The following KSR2 variants were observed in gnomAD, a reference collection of about 807,000 sequenced individuals.
The protein encoded by KSR2 is kinase suppressor of ras 2.
In KSR2, 25 loss-of-function variants were observed where a neutral mutation model predicts 107.8. That is an observed-to-expected ratio of 0.23 (90% CI 0.17 to 0.32). KSR2 has a LOEUF of 0.32. Among genes scored for constraint, KSR2 ranks in the 10% least tolerant of loss-of-function variants. The pLI is 1.00. For missense variants in KSR2, 887 were observed against 1,268.9 expected (o/e 0.70, Z 4.57); for synonymous variants, 480 against 507.0 (o/e 0.95, Z 0.71).
At chr12:117,891,523 A>C (rs1894340716) in intron 1 of KSR2, among the ~76,000 whole-genome samples, 1 of 152,164 alleles carries the variant, frequency 6.6e-6, no homozygotes. Flanking sequence ...GGATTGTTTT[A>C]GCCCAGGAAT....
At chr12:117,481,728 C>T (rs1255826746) in intron 16 of KSR2, among the ~76,000 whole-genome samples, 1 of 152,208 alleles carries the variant, frequency 6.6e-6, no homozygotes, top group African/African-American at 2.4e-5. Context: ...CTGAGAGATA[C>T]TGGCCCTGCT....
chr12:117,710,849 T>C (rs1254614086), intron 4 of KSR2, among the ~76,000 whole-genome samples: 1 of 152,148 alleles, frequency 6.6e-6, no homozygotes, highest in Non-Finnish European at 1.5e-5. Context: ...CCATGTTTCA[T>C]CCATGTCGAC....
At chr12:117,810,817 T>C (rs1665691402) in intron 3 of KSR2, among the ~76,000 whole-genome samples, 1 of 152,178 alleles carries the variant, frequency 6.6e-6, no homozygotes, top group African/African-American at 2.4e-5. Context: ...TTATTTTTGG[T>C]TCCTTTTAGA....
At chr12:117,874,978 C>T (rs1893787532) in intron 1 of KSR2, among the ~76,000 whole-genome samples, 1 of 152,128 alleles carries the variant, frequency 6.6e-6, no homozygotes, top group Non-Finnish European at 1.5e-5. Context: ...TGCGGAAATC[C>T]GACGGAGCTG....
At chr12:117,554,579 G>A (rs1877528662) in intron 9 of KSR2, among the ~76,000 whole-genome samples, 1 of 152,122 alleles carries the variant, frequency 6.6e-6, no homozygotes, top group Non-Finnish European at 1.5e-5. Flanking sequence ...ATTGAATCAT[G>A]GGGGCTGGTC....
chr12:117,529,093 G>T (rs528142241), intron 12 of KSR2, among the ~76,000 whole-genome samples: 1 of 152,220 alleles, frequency 6.6e-6, no homozygotes, highest in Non-Finnish European at 1.5e-5. Context: ...CAGAAAAGAT[G>T]AAGCAGTTAG....
intron 7 of KSR2, among the ~76,000 whole-genome samples, chr12:117,569,304 A>G (rs1460366067): frequency 6.6e-6 from 1 of 152,212 alleles, no homozygotes; most frequent in Non-Finnish European, 1.5e-5. Context: ...CCAAGTGAAA[A>G]GATCCACTAA....
intron 6 of KSR2, among the ~76,000 whole-genome samples, chr12:117,580,549 G>A (rs1879584039): frequency 6.6e-6 from 1 of 152,172 alleles, no homozygotes. Flanking sequence ...TGACTCTGAT[G>A]GCAGCAGATG....
At chr12:117,906,035 C>G (rs1197719038) in intron 1 of KSR2, among the ~76,000 whole-genome samples, 2 of 147,958 alleles carry the variant, frequency 1.4e-5, no homozygotes, top group Non-Finnish European at 3.0e-5. Flanking sequence ...GCAAGAGATA[C>G]AGGGATGAGA....
At chr12:117,709,444 C>T (rs369386238) in intron 4 of KSR2, among the ~76,000 whole-genome samples, 5 of 152,312 alleles carry the variant, frequency 3.3e-5, no homozygotes, top group Non-Finnish European at 7.3e-5. Flanking sequence ...CCATCTCAGT[C>T]TCCAGAGTAG....
At chr12:117,648,966 G>C (rs1050927633) in intron 5 of KSR2, among the ~76,000 whole-genome samples, 1 of 152,164 alleles carries the variant, frequency 6.6e-6, no homozygotes, top group East Asian at 1.9e-4. Flanking sequence ...GAATGTCTAC[G>C]CTGCCTGTCT....
Position 117,530,949 on chromosome 12 carries a change from C to T in KSR2, c.1794G>A (p.Ser598=), listed in dbSNP as rs754624870. 1.5e-5 allele frequency: 25 copies of T among 1,613,556 alleles called. No individual in the cohort carries two copies. The highest frequency in any genetic ancestry group is 2.2e-5 in the East Asian group (1 of 44,884). The part of the protein sequence containing the change: ...APQVILHPVT[S]NPILEGNPLL... ...GTCTCTGTCTCACTTACATTGGATTCGAGGTCACCGGATGCAGGATGACCT... is the reference window on the plus strand; with the variant it reads ...GTCTCTGTCTCACTTACATTGGATTTGAGGTCACCGGATGCAGGATGACCT... Residue 598 remains serine (S), a synonymous_variant, in exon 12 of 20, where the codon TCG becomes TCA. Coordinates refer to ENST00000339824, the MANE Select transcript of KSR2 (RefSeq NM_173598.6).
At chr12:117,848,549 A>C (rs1371089205) in intron 3 of KSR2, among the ~76,000 whole-genome samples, 1 of 152,236 alleles carries the variant, frequency 6.6e-6, no homozygotes, top group African/African-American at 2.4e-5. Flanking sequence ...ATCAAGCCAG[A>C]CAGAAGGGGA....
intron 5 of KSR2, among the ~76,000 whole-genome samples, chr12:117,607,680 A>AGGAGG (rs1881359931): frequency 1.3e-5 from 2 of 148,390 alleles, no homozygotes; most frequent in Non-Finnish European, 3.0e-5. Context: ...AGGAGAGGAG[A>AGGAGG]GGAGAGGAGA....
chr12:117,586,880 A>C (rs556072652), intron 5 of KSR2, among the ~76,000 whole-genome samples: 1 of 152,342 alleles, frequency 6.6e-6, no homozygotes, highest in East Asian at 1.9e-4. Flanking sequence ...AGGGATTTTT[A>C]ATTGAGCTGT....
chr12:117,695,764 T>G (rs2136594016), intron 4 of KSR2, among the ~76,000 whole-genome samples: 1 of 151,520 alleles, frequency 6.6e-6, no homozygotes, highest in South Asian at 2.1e-4. Flanking sequence ...AGAGATCTGT[T>G]GGCAAGGGGA....
chr12:117,563,848 C>G (rs1449055684), intron 7 of KSR2, among the ~76,000 whole-genome samples: 1 of 152,174 alleles, frequency 6.6e-6, no homozygotes, highest in East Asian at 1.9e-4. Flanking sequence ...CCCCAAGCAC[C>G]TGCTCTTTGA....
rs983677318 is a variant in KSR2 at position 117,897,939 on chromosome 12, G to A, written c.181-37508C>T. On this transcript the variant is annotated intron_variant, in intron 1 of 19. Transcript: ENST00000339824. The surrounding 1 kb of genome is among the most constrained non-coding windows in gnomAD (Gnocchi z 4.5). The stretch of plus-strand genomic sequence containing the variant: ...ACACCGTCTGTGTGTGTGTCTGTGT[G>A]CACTCATACACGTACACACACACAG... Among the ~76,000 whole-genome samples the A allele has an allele frequency of 6.7e-6, 1 of 149,136 alleles. No homozygotes were observed. Among genetic ancestry groups the A allele is most frequent in the African/African-American group, 2.5e-5 (1 of 40,264 alleles).
chr12:117,904,604 T>C (rs1894785067), intron 1 of KSR2, among the ~76,000 whole-genome samples: 1 of 152,154 alleles, frequency 6.6e-6, no homozygotes, highest in Non-Finnish European at 1.5e-5. Context: ...CTACTAAGTG[T>C]TTTATATACT....
Sources: allele counts gnomAD v4.1 joint callset (sites outside exome capture counted in the v4.1 genomes callset), GRCh38; gene constraint gnomAD v4.1.1; non-coding constraint Gnocchi (gnomAD v3.1); transcripts MANE v1.5; gene names NCBI Gene and HGNC (gene_info 2026-07-23, HGNC 2026-07-21).